Variants in RAB38 observed in about 807,000 individuals in gnomAD.
RAB38 encodes RAB38, member RAS oncogene family, also known as ras-related protein Rab-38.
RAB38 carries 15 observed loss-of-function variants against 18.4 expected under a neutral mutation model. The observed-to-expected ratio is 0.82, with a 90% CI of 0.55 to 1.26. The LOEUF is 1.26. Among genes scored for constraint, RAB38 ranks in the 50% most tolerant of loss-of-function variants. The pLI, the probability that RAB38 is intolerant of heterozygous loss-of-function variation, is 0.00. For synonymous variants in RAB38, 101 were observed against 104.4 expected, an observed-to-expected ratio of 0.97 and a Z score of 0.20; for missense variants, 294 against 267.4, an observed-to-expected ratio of 1.10 and a Z score of -0.69.
the RAB38 span, among the ~76,000 whole-genome samples, chr11:87,868,182 C>T: frequency 1.2e-4 from 18 of 151,696 alleles, no homozygotes; most frequent in South Asian, 8.3e-4. Flanking sequence ...GGGGGCAAAT[C>T]CTTCATGAAT....
chr11:87,962,492 TGGCGGGGGCAGGG>T, the RAB38 span, among the ~76,000 whole-genome samples: 4 of 148,366 alleles, frequency 2.7e-5, no homozygotes, highest in African/African-American at 9.8e-5. Context: ...ACCAGAGGCT[TGGCGGGGGCAGGG>T]GGCAGGGGGG....
At chr11:87,911,286 T>C in the RAB38 span, among the ~76,000 whole-genome samples, 1 of 152,050 alleles carries the variant, frequency 6.6e-6, no homozygotes, top group East Asian at 1.9e-4. Flanking sequence ...CATATTAATT[T>C]TCGATTCAAC....
the RAB38 span, among the ~76,000 whole-genome samples, chr11:87,957,478 G>A: frequency 6.6e-6 from 1 of 152,094 alleles, no homozygotes; most frequent in African/African-American, 2.4e-5. Flanking sequence ...TTTATTCTAA[G>A]TCTGATGAAA....
chr11:87,959,826 G>C, the RAB38 span, among the ~76,000 whole-genome samples: 1 of 152,058 alleles, frequency 6.6e-6, no homozygotes, highest in Non-Finnish European at 1.5e-5. Context: ...GGAGGGGCAG[G>C]GTATCACGTC....
the RAB38 span, among the ~76,000 whole-genome samples, chr11:88,015,801 T>C: frequency 3.3e-5 from 5 of 152,146 alleles, no homozygotes; most frequent in East Asian, 5.8e-4. Flanking sequence ...ATGTTTCCAG[T>C]TGGGCTTTGG....
intron 1 of RAB38, 58 bp from the exon 2 acceptor site, chr11:88,150,013 T>C: frequency 6.6e-7 from 1 of 1,526,130 alleles, no homozygotes; most frequent in East Asian, 2.3e-5. Flanking sequence ...TGAATCATAT[T>C]ATAACTTCAT....
chr11:87,970,981 CAA>C, the RAB38 span, among the ~76,000 whole-genome samples: 112 of 152,164 alleles, frequency 7.4e-4, no homozygotes, highest in African/African-American at 2.6e-3. Context: ...ATTTAAAAAA[CAA>C]AGAGAGCACC....
chr11:87,902,756 C>A, the RAB38 span, among the ~76,000 whole-genome samples: 1 of 151,044 alleles, frequency 6.6e-6, no homozygotes, highest in Admixed American at 6.6e-5. Context: ...TATGTCTAAG[C>A]GTTTTGCATA....
At chr11:88,126,354 G>A (rs1179870173) in intron 2 of RAB38, among the ~76,000 whole-genome samples, 4 of 152,124 alleles carry the variant, frequency 2.6e-5, no homozygotes, top group African/African-American at 4.8e-5. Flanking sequence ...TATATACCAT[G>A]GAATACTATG....
chr11:87,971,091 G>C, the RAB38 span, among the ~76,000 whole-genome samples: 638 of 152,092 alleles, frequency 4.2e-3, 3 homozygotes, highest in African/African-American at 0.014. Flanking sequence ...AGCGTTGCAC[G>C]GTTCTTCAAT....
chr11:87,842,732 G>A, the RAB38 span, among the ~76,000 whole-genome samples: 1 of 151,936 alleles, frequency 6.6e-6, no homozygotes, highest in Admixed American at 6.6e-5. Context: ...ATACACAAGT[G>A]CACCTCACTA....
chr11:88,070,894 T>C, the RAB38 span, among the ~76,000 whole-genome samples: 1 of 152,172 alleles, frequency 6.6e-6, no homozygotes, highest in East Asian at 1.9e-4. Context: ...ATGAACTGTT[T>C]ATAGAAAATG....
intron 1 of RAB38, among the ~76,000 whole-genome samples, chr11:88,174,672 T>C (rs1943357678): frequency 6.7e-6 from 1 of 149,538 alleles, no homozygotes; most frequent in African/African-American, 2.5e-5. Context: ...TCCTTTGTCT[T>C]AAGGGCAGAG....
the RAB38 span, among the ~76,000 whole-genome samples, chr11:88,015,014 C>T: frequency 6.6e-6 from 1 of 151,148 alleles, no homozygotes; most frequent in Non-Finnish European, 1.5e-5. Flanking sequence ...AATAGATCGA[C>T]CTTAAAATCA....
the RAB38 span, among the ~76,000 whole-genome samples, chr11:87,954,123 C>T: frequency 6.6e-6 from 1 of 151,914 alleles, no homozygotes; most frequent in Non-Finnish European, 1.5e-5. Context: ...TAAGAACATC[C>T]AATGATTTTG....
At chr11:87,971,464 C>T in the RAB38 span, among the ~76,000 whole-genome samples, 174 of 152,238 alleles carry the variant, frequency 1.1e-3, 1 homozygote, top group Non-Finnish European at 2.1e-3. Context: ...TGGAGGGAGC[C>T]TGGACTAATG....
At chr11:87,850,802 G>A in the RAB38 span, among the ~76,000 whole-genome samples, 1 of 151,896 alleles carries the variant, frequency 6.6e-6, no homozygotes, top group South Asian at 2.1e-4. Flanking sequence ...CCATCAAAGT[G>A]TTAGAAGTTC....
chr11:88,053,084 G>GT, the RAB38 span, among the ~76,000 whole-genome samples: 4 of 120,450 alleles, frequency 3.3e-5, no homozygotes, highest in Admixed American at 9.7e-5. Flanking sequence ...ACATATATAT[G>GT]GAATATATAT....
chr11:88,004,811 A>G, the RAB38 span, among the ~76,000 whole-genome samples: 1 of 151,384 alleles, frequency 6.6e-6, no homozygotes, highest in African/African-American at 2.4e-5. Context: ...AAGGGTTAAT[A>G]TATAAAAATC....
Sources: gnomAD v4.1 joint callset for allele counts (sites outside exome capture counted in the v4.1 genomes callset) on GRCh38, gnomAD v4.1.1 for gene constraint, MANE v1.5 for transcripts, NCBI Gene and HGNC (gene_info 2026-07-23, HGNC 2026-07-21) for gene names.